Variants in GPHN observed in about 807,000 individuals in gnomAD.
The protein encoded by GPHN is gephyrin.
GPHN carries 17 observed loss-of-function variants against 95.5 expected under a neutral mutation model. That is an observed-to-expected ratio of 0.18 (90% CI 0.12 to 0.27). GPHN has a LOEUF of 0.27. Ranked by LOEUF, GPHN falls within the 10% of genes least tolerant of loss-of-function variation. The pLI is 1.00. For synonymous variants in GPHN, 320 were observed against 322.5 expected (o/e 0.99, Z 0.08); for missense variants, 660 against 978.1 (o/e 0.67, Z 4.34).
chr14:66,679,171 T>G (rs1006996869), intron 1 of GPHN, among the ~76,000 whole-genome samples: 2 of 152,268 alleles, frequency 1.3e-5, no homozygotes, highest in African/African-American at 2.4e-5. Flanking sequence ...AGTTCACAGG[T>G]GGCACACATG....
the GPHN span, among the ~76,000 whole-genome samples, chr14:67,723,011 G>A: frequency 6.6e-6 from 1 of 152,176 alleles, no homozygotes; most frequent in African/African-American, 2.4e-5. Context: ...TTAGGTGGGA[G>A]TCCTTGCGTT....
In GPHN at chr14:66,772,420, G is replaced by C. The variant is rs372341260; in HGVS notation, c.144-4044G>C. Among the ~76,000 whole-genome samples, 278 of 152,268 alleles carry C rather than the reference G, an allele frequency of 1.8e-3. 17 individuals are homozygous for C. In the South Asian group the frequency reaches 0.057, roughly 31 times the overall value. On this transcript the variant is annotated intron_variant, in intron 2 of 22. Coordinates refer to ENST00000478722, the MANE Select transcript of GPHN (RefSeq NM_020806.5). ...TTTTGTTACTCCTGTGAATAAGTTA[G>C]GTTATATAGCAAAAGTGACATTGCA...
the GPHN span, among the ~76,000 whole-genome samples, chr14:67,605,055 C>T: frequency 0.18 from 26,739 of 152,074 alleles, 2,782 homozygotes; most frequent in African/African-American, 0.3. Context: ...AGTCTTTCAA[C>T]TTTATACCTT....
At chr14:67,593,066 C>A in the GPHN span, among the ~76,000 whole-genome samples, 2 of 152,230 alleles carry the variant, frequency 1.3e-5, no homozygotes, top group African/African-American at 4.8e-5. Flanking sequence ...GGATTACAGG[C>A]GTGAGCCACC....
chr14:66,547,971 C>T (rs1375860220), intron 1 of GPHN, among the ~76,000 whole-genome samples: 1 of 151,990 alleles, frequency 6.6e-6, no homozygotes, highest in African/African-American at 2.4e-5. Flanking sequence ...TTTAGTTCAC[C>T]TCATGGATAT....
intron 13 of GPHN, among the ~76,000 whole-genome samples, chr14:67,104,371 A>G (rs1211961891): frequency 6.6e-6 from 1 of 152,136 alleles, no homozygotes; most frequent in Non-Finnish European, 1.5e-5. Flanking sequence ...TGCTGACCTC[A>G]TAGATTGAGT....
the GPHN span, among the ~76,000 whole-genome samples, chr14:67,575,032 TGCCCAAGGGCTTCA>T: frequency 6.6e-6 from 1 of 152,232 alleles, no homozygotes; most frequent in African/African-American, 2.4e-5. Context: ...GATGCATGGT[TGCCCAAGGGCTTCA>T]GCCTGCTGTT....
intron 3 of GPHN, among the ~76,000 whole-genome samples, chr14:66,789,972 C>CAA (rs2153470746): frequency 6.6e-6 from 1 of 152,242 alleles, no homozygotes; most frequent in South Asian, 2.1e-4. Context: ...TAATTCAAGA[C>CAA]AAAACAGAAC....
At chr14:66,555,316 C>T (rs1359953288) in intron 1 of GPHN, among the ~76,000 whole-genome samples, 3 of 152,048 alleles carry the variant, frequency 2.0e-5, no homozygotes, top group African/African-American at 7.2e-5. Flanking sequence ...AATAATTTTC[C>T]TCCTTTTCTG....
intron 1 of GPHN, among the ~76,000 whole-genome samples, chr14:66,566,937 A>G (rs960707661): frequency 6.6e-6 from 1 of 152,190 alleles, no homozygotes; most frequent in East Asian, 1.9e-4. Flanking sequence ...GTGAAAATGT[A>G]ATACAGTAAC....
the GPHN span, chr14:67,600,411 CTCG>C: frequency 1.9e-6 from 1 of 518,382 alleles, no homozygotes; most frequent in Non-Finnish European, 3.4e-6. Context: ...TCGAAAAAAC[CTCG>C]TCGGGGCAAT....
chr14:67,275,678 A>G, the GPHN span, among the ~76,000 whole-genome samples: 3 of 152,158 alleles, frequency 2.0e-5, no homozygotes, highest in African/African-American at 7.2e-5. Context: ...ATTGATTGCA[A>G]TAGTTTCAGA....
At chr14:67,587,334 C>A in the GPHN span, 1 of 1,314,204 alleles carries the variant, frequency 7.6e-7, no homozygotes, top group Non-Finnish European at 1.1e-6. Flanking sequence ...TAACAGCCCC[C>A]GGCTACTCTT....
At chr14:67,707,062 T>C in the GPHN span, among the ~76,000 whole-genome samples, 1 of 152,234 alleles carries the variant, frequency 6.6e-6, no homozygotes, top group East Asian at 1.9e-4. Context: ...TTTATGTATG[T>C]AAATAGGTTG....
the GPHN span, chr14:67,395,591 AAG>A: frequency 1.3e-3 from 2,042 of 1,613,814 alleles, 4 homozygotes; most frequent in Non-Finnish European, 1.5e-3. Context: ...GAGCTGTGGG[AAG>A]AGAGAGCCAG....
chr14:67,208,992 T>A, the GPHN span, among the ~76,000 whole-genome samples: 19 of 151,274 alleles, frequency 1.3e-4, no homozygotes, highest in African/African-American at 4.6e-4. Flanking sequence ...CATAAAAAAA[T>A]TTCAGATAGG....
Position 66,631,188 on chromosome 14 carries a change from A to G in GPHN, c.65-49919A>G, listed in dbSNP as rs1168842510. ...CTCAGCCTCCTGAGTAGCTGGGATAACAGGCACTCACCACCATGCCTGGCT... is the reference window on the plus strand; with the variant it reads ...CTCAGCCTCCTGAGTAGCTGGGATAGCAGGCACTCACCACCATGCCTGGCT... On this transcript the variant is annotated intron_variant, in intron 1 of 22. Coordinates refer to ENST00000478722, the MANE Select transcript of GPHN (RefSeq NM_020806.5). Among the ~76,000 whole-genome samples, 9 of 152,106 alleles carry G rather than the reference A, an allele frequency of 5.9e-5. No individual in the cohort carries two copies. The East Asian group carries it at 1.7e-3, about 29-fold the overall frequency.
intron 9 of GPHN, among the ~76,000 whole-genome samples, chr14:67,000,847 A>T (rs939671262): frequency 4.0e-5 from 6 of 151,686 alleles, no homozygotes; most frequent in Admixed American, 3.3e-4. Flanking sequence ...ATATCCATCT[A>T]ATTAAAGCAT....
At chr14:67,190,715 A>T in the GPHN span, among the ~76,000 whole-genome samples, 1 of 152,190 alleles carries the variant, frequency 6.6e-6, no homozygotes, top group Non-Finnish European at 1.5e-5. Context: ...CATTTTCAAG[A>T]GATAGAAGCC....
Sources: allele counts gnomAD v4.1 joint callset (sites outside exome capture counted in the v4.1 genomes callset), GRCh38; gene constraint gnomAD v4.1.1; transcripts MANE v1.5; gene names NCBI Gene and HGNC (gene_info 2026-07-23, HGNC 2026-07-21).